NEBL: variants seen among roughly 807,000 people sequenced by gnomAD.
NEBL encodes LIM and SH3 protein 2.
Under a neutral mutation model 140.2 loss-of-function variants are expected in NEBL, and 122 were observed. The observed-to-expected ratio is 0.87, with a 90% CI of 0.75 to 1.01. The LOEUF (loss-of-function observed/expected upper bound fraction) is 1.01, where lower values mean the gene tolerates loss of function less well. NEBL is among the 50% of genes least tolerant of loss of function. The probability of loss-of-function intolerance (pLI) is 0.00; values close to 1 mark genes in which losing one functional copy is unlikely to be tolerated. For synonymous variants in NEBL, 436 were observed against 398.9 expected, an observed-to-expected ratio of 1.09 and a Z score of -1.11; for missense variants, 1,365 against 1,231.3, an observed-to-expected ratio of 1.11 and a Z score of -1.62.
At chr10:20,961,049 A>G (rs1335860113) in intron 4 of NEBL, among the ~76,000 whole-genome samples, 1 of 152,182 alleles carries the variant, frequency 6.6e-6, no homozygotes, top group Non-Finnish European at 1.5e-5. Flanking sequence ...AAGAAACATA[A>G]TCACAGGTGT....
intron 2 of NEBL, among the ~76,000 whole-genome samples, chr10:21,129,206 T>C (rs1353090966): frequency 6.6e-6 from 1 of 152,078 alleles, no homozygotes; most frequent in Non-Finnish European, 1.5e-5. Flanking sequence ...TGGATCTACA[T>C]AAGAAAGAAA....
chr10:20,907,634 A>G (rs911154636), intron 4 of NEBL, among the ~76,000 whole-genome samples: 14 of 152,240 alleles, frequency 9.2e-5, no homozygotes, highest in African/African-American at 3.4e-4. Context: ...ACCAGGAAGT[A>G]TATGAGATTT....
chr10:21,120,104 C>T (rs1019585019), intron 2 of NEBL, among the ~76,000 whole-genome samples: 1 of 151,886 alleles, frequency 6.6e-6, no homozygotes, highest in African/African-American at 2.4e-5. Flanking sequence ...GGCACAGTGG[C>T]TTACACCTAT....
chr10:21,031,604 C>T (rs1368018795), intron 2 of NEBL, among the ~76,000 whole-genome samples: 1 of 152,184 alleles, frequency 6.6e-6, no homozygotes, highest in Non-Finnish European at 1.5e-5. Flanking sequence ...TCCTCCAATG[C>T]CTAGAAAATC....
At chr10:20,989,927 T>C (rs1254598148) in intron 3 of NEBL, among the ~76,000 whole-genome samples, 1 of 152,222 alleles carries the variant, frequency 6.6e-6, no homozygotes, top group African/African-American at 2.4e-5. Flanking sequence ...AAATTTAGCA[T>C]ACCAATTACT....
intron 12 of NEBL, among the ~76,000 whole-genome samples, chr10:20,843,263 C>T (rs1470782829): frequency 2.0e-5 from 3 of 152,058 alleles, no homozygotes; most frequent in Non-Finnish European, 4.4e-5. Context: ...AATCTGCCAG[C>T]ACCTTGATCT....
chr10:21,275,903 C>G (rs1842917262), intron 1 of NEBL, among the ~76,000 whole-genome samples: 1 of 149,002 alleles, frequency 6.7e-6, no homozygotes, highest in Non-Finnish European at 1.5e-5. Flanking sequence ...GGCGATCTGC[C>G]TGCCTCAGCC....
intron 2 of NEBL, among the ~76,000 whole-genome samples, chr10:21,120,366 C>T (rs1445484551): frequency 1.4e-5 from 1 of 70,972 alleles, no homozygotes; most frequent in East Asian, 5.6e-4. Context: ...CAGAGTGAGA[C>T]TGTGTCTCAA....
intron 3 of NEBL, among the ~76,000 whole-genome samples, chr10:21,230,561 T>C: frequency 6.6e-6 from 1 of 151,770 alleles, no homozygotes; most frequent in South Asian, 2.1e-4. Context: ...ATGGAGGAAC[T>C]CTACTTGAAT....
intron 4 of NEBL, among the ~76,000 whole-genome samples, chr10:20,952,480 G>A (rs1172844874): frequency 6.6e-6 from 1 of 151,372 alleles, no homozygotes; most frequent in Non-Finnish European, 1.5e-5. Flanking sequence ...TAGGATATAG[G>A]AGGAAGTTTT....
chr10:20,934,488 C>A (rs775921329), intron 4 of NEBL, among the ~76,000 whole-genome samples: 27 of 152,152 alleles, frequency 1.8e-4, no homozygotes, highest in Admixed American at 5.2e-4. Flanking sequence ...TGAATTCTAG[C>A]CTGTGGAATA....
chr10:20,792,229 T>C (rs1351239927), intron 26 of NEBL, among the ~76,000 whole-genome samples: 2 of 152,128 alleles, frequency 1.3e-5, no homozygotes, highest in African/African-American at 4.8e-5. Context: ...CCTATGGGCT[T>C]ACTTTTTGAA....
intron 4 of NEBL, among the ~76,000 whole-genome samples, chr10:20,947,147 A>T (rs1053042634): frequency 3.3e-5 from 5 of 152,212 alleles, no homozygotes; most frequent in Non-Finnish European, 7.3e-5. Context: ...AATGACTGGG[A>T]ATTTCAGCAA....
chr10:21,001,233 G>A (rs10828172), intron 3 of NEBL, among the ~76,000 whole-genome samples: 1 of 152,102 alleles, frequency 6.6e-6, no homozygotes, highest in Non-Finnish European at 1.5e-5. Context: ...GCACCTGGTT[G>A]TCACATTCCA....
chr10:21,113,435 A>C, intron 2 of NEBL: 1 of 417,654 alleles, frequency 2.4e-6, no homozygotes, highest in Non-Finnish European at 4.5e-6. Context: ...AATTATGTGA[A>C]GAGTTGCTTC....
At chr10:21,146,019 T>C (rs1464847865) in intron 2 of NEBL, among the ~76,000 whole-genome samples, 1 of 151,858 alleles carries the variant, frequency 6.6e-6, no homozygotes, top group Non-Finnish European at 1.5e-5. Context: ...TGGAACAAAA[T>C]GGAGTGGGAA....
intron 2 of NEBL, among the ~76,000 whole-genome samples, chr10:21,079,251 A>C (rs1211166296): frequency 6.6e-6 from 1 of 152,188 alleles, no homozygotes; most frequent in African/African-American, 2.4e-5. Context: ...AAGACCAGAA[A>C]AAGAAAGAAA....
At chr10:21,099,158 G>A (rs921999651) in intron 2 of NEBL, among the ~76,000 whole-genome samples, 6 of 152,134 alleles carry the variant, frequency 3.9e-5, no homozygotes, top group African/African-American at 1.2e-4. Flanking sequence ...AATCAAAACA[G>A]AGTGAAGCAT....
rs563571508 is a variant in NEBL, at chr10:21,146,347, C to T, written c.164+26036G>A. 3.7e-5 allele frequency: 60 copies of T among 1,611,138 alleles called. No homozygotes were observed. The South Asian group carries it at 4.1e-4, about 11-fold the overall frequency. ...GCCCCCAACACATACTCTACCTGTT[C>T]ATGTCTGGAATGTACATTTCAGCCA... On this transcript the variant is annotated intron_variant, in intron 2 of 6. Transcript: ENST00000417816.
Sources: gnomAD v4.1 joint callset for allele counts (sites outside exome capture counted in the v4.1 genomes callset) on GRCh38, gnomAD v4.1.1 for gene constraint, MANE v1.5 for transcripts, NCBI Gene and HGNC (gene_info 2026-07-23, HGNC 2026-07-21) for gene names.